PCDH15: variants seen among roughly 807,000 people sequenced by gnomAD.
PCDH15 encodes protocadherin related 15.
PCDH15 carries 129 observed loss-of-function variants against 178.5 expected under a neutral mutation model. The observed-to-expected ratio is 0.72, with a 90% CI of 0.63 to 0.84. PCDH15 has a LOEUF of 0.84. Among genes scored for constraint, PCDH15 ranks in the 40% least tolerant of loss-of-function variants. The probability of loss-of-function intolerance (pLI) is 0.00; values close to 1 mark genes in which losing one functional copy is unlikely to be tolerated. For missense variants in PCDH15, 2,230 were observed against 2,099.9 expected, an observed-to-expected ratio of 1.06 and a Z score of -1.21; for synonymous variants, 800 against 732.0, an observed-to-expected ratio of 1.09 and a Z score of -1.50.
chr10:54,636,591 G>C (rs1441684550), intron 2 of PCDH15, among the ~76,000 whole-genome samples: 1 of 151,914 alleles, frequency 6.6e-6, no homozygotes, highest in Non-Finnish European at 1.5e-5. Context: ...AATAGCAAAT[G>C]AAGTGGATTT....
chr10:54,876,687 G>A lies in PCDH15; in HGVS notation c.-29+20763C>T, dbSNP rs562947135. Among the ~76,000 whole-genome samples the A allele has an allele frequency of 1.5e-4, 23 of 152,268 alleles. No individual in the cohort carries two copies. In the South Asian group the frequency reaches 1.7e-3, roughly 11 times the overall value. On this transcript the variant is annotated intron_variant, in intron 3 of 5. Transcript: ENST00000458638. The stretch of plus-strand genomic sequence containing the variant: ...GGAACTAGAATTAGAAGCAGAGCTC[G>A]AAGAGGTGACTTAATTGCTGCCATC...
chr10:54,294,594 T>G (rs1297617779), intron 8 of PCDH15, among the ~76,000 whole-genome samples: 1 of 152,222 alleles, frequency 6.6e-6, no homozygotes, highest in Admixed American at 6.5e-5. Context: ...AAAGTCACCC[T>G]GTATAATTCA....
At chr10:55,483,653 T>G (rs963236846) in intron 2 of PCDH15, among the ~76,000 whole-genome samples, 8 of 151,520 alleles carry the variant, frequency 5.3e-5, no homozygotes, top group African/African-American at 1.9e-4. Context: ...GAATATAAAT[T>G]ATCCTATTAT....
intron 2 of PCDH15, among the ~76,000 whole-genome samples, chr10:54,563,550 GTAA>G (rs2088543698): frequency 2.0e-5 from 3 of 152,158 alleles, no homozygotes; most frequent in East Asian, 1.9e-4. Context: ...CAGCAAAAGA[GTAA>G]CATATTAACT....
chr10:54,385,291 A>T (rs1949780599), intron 3 of PCDH15, among the ~76,000 whole-genome samples: 1 of 152,122 alleles, frequency 6.6e-6, no homozygotes, highest in Non-Finnish European at 1.5e-5. Context: ...TGTAAACAAT[A>T]AGGCAAAATT....
At chr10:53,924,935 G>C (rs145051823) in intron 25 of PCDH15, among the ~76,000 whole-genome samples, 3 of 152,122 alleles carry the variant, frequency 2.0e-5, no homozygotes, top group Admixed American at 6.5e-5. Context: ...GAACTTTTGC[G>C]TCTAGCTCAG....
intron 2 of PCDH15, among the ~76,000 whole-genome samples, chr10:55,414,711 TTA>T (rs200161412): frequency 0.012 from 1,808 of 151,496 alleles, 43 homozygotes; most frequent in African/African-American, 0.042. Context: ...CACCTGATTT[TTA>T]TATGTTAATT....
intron 3 of PCDH15, among the ~76,000 whole-genome samples, chr10:54,396,697 A>G (rs1295413065): frequency 1.3e-5 from 2 of 152,164 alleles, no homozygotes; most frequent in Non-Finnish European, 2.9e-5. Context: ...AGTTAATGCA[A>G]TAACATAAAG....
intron 2 of PCDH15, among the ~76,000 whole-genome samples, chr10:54,971,981 C>G (rs1308398688): frequency 6.6e-6 from 1 of 152,148 alleles, no homozygotes; most frequent in African/African-American, 2.4e-5. Context: ...TGTCGATTCC[C>G]TGATGTCATT....
rs1002151845 is a variant in PCDH15 at position 53,805,680 on chromosome 10, A to G, written c.*899T>C. On this transcript the variant is annotated 3_prime_UTR_variant, in exon 38 of 38. Coordinates refer to ENST00000644397, the MANE Select transcript of PCDH15 (RefSeq NM_001384140.1). ...CTCTGATATGCTGGGTTTACAAACTATTAAAGTCTAGTGACATTAATGTGA... is the reference window on the plus strand; with the variant it reads ...CTCTGATATGCTGGGTTTACAAACTGTTAAAGTCTAGTGACATTAATGTGA... The G allele has an allele frequency of 2.6e-5, 4 of 152,102 alleles. No individual in the cohort carries two copies. The highest frequency in any genetic ancestry group is 4.8e-5 in the African/African-American group (2 of 41,440). 9.4% of individuals were successfully genotyped at this position (152,102 alleles called of 1,614,324 possible). A position where few individuals can be genotyped will look rare whatever the true frequency, so the allele number is the denominator to read the frequency against.
At chr10:54,193,483 T>C (rs538377112) in intron 11 of PCDH15, among the ~76,000 whole-genome samples, 1 of 152,324 alleles carries the variant, frequency 6.6e-6, no homozygotes, top group East Asian at 1.9e-4. Context: ...TGAGTATGTA[T>C]TCAATTGAAA....
chr10:55,050,154 G>A (rs1841122003), intron 2 of PCDH15, among the ~76,000 whole-genome samples: 1 of 151,952 alleles, frequency 6.6e-6, no homozygotes, highest in African/African-American at 2.4e-5. Context: ...CCAATGCATG[G>A]ATGTATTGTT....
At chr10:54,055,580 T>C (rs2093868514) in intron 18 of PCDH15, among the ~76,000 whole-genome samples, 1 of 152,194 alleles carries the variant, frequency 6.6e-6, no homozygotes, top group Non-Finnish European at 1.5e-5. Flanking sequence ...TTGAGAATTC[T>C]GACCTTAGCA....
intron 18 of PCDH15, among the ~76,000 whole-genome samples, chr10:54,065,270 T>C (rs2094115141): frequency 6.6e-6 from 1 of 152,198 alleles, no homozygotes; most frequent in Non-Finnish European, 1.5e-5. Flanking sequence ...CTCTGATGCA[T>C]GAGTTTGCAT....
chr10:54,119,147 C>A (rs1351433587), intron 15 of PCDH15, among the ~76,000 whole-genome samples: 1 of 151,960 alleles, frequency 6.6e-6, no homozygotes, highest in Admixed American at 6.6e-5. Context: ...GGTCCCTAAC[C>A]AAAATGGAAA....
intron 3 of PCDH15, among the ~76,000 whole-genome samples, chr10:54,385,289 A>G (rs972282591): frequency 3.5e-4 from 53 of 152,258 alleles, no homozygotes; most frequent in African/African-American, 1.2e-3. Flanking sequence ...TCTGTAAACA[A>G]TAAGGCAAAA....
intron 2 of PCDH15, among the ~76,000 whole-genome samples, chr10:55,543,126 T>C (rs1841800824): frequency 6.9e-6 from 1 of 144,924 alleles, no homozygotes; most frequent in Non-Finnish European, 1.5e-5. Context: ...GACATATGTA[T>C]GTGTCTATAT....
rs562508569 is a variant in PCDH15, at chr10:54,216,839, T to C, written c.986-2791A>G. ...CGGAAGATAAATGACCACCTAAATA[T>C]ACATCAATAGTGGTCTGGGTAAATA... On this transcript the variant is annotated intron_variant, in intron 9 of 37. Transcript: ENST00000644397. 3.9e-5 allele frequency among the ~76,000 whole-genome samples: 6 copies of C among 152,268 alleles called. No individual in the cohort carries two copies. The South Asian group carries it at 1.2e-3, about 32-fold the overall frequency.
intron 2 of PCDH15, among the ~76,000 whole-genome samples, chr10:54,995,115 G>A (rs1372304781): frequency 2.0e-5 from 3 of 152,030 alleles, no homozygotes; most frequent in Non-Finnish European, 2.9e-5. Context: ...GGTGGCTCAC[G>A]TTTGTAATCC....
Sources: gnomAD v4.1 joint callset for allele counts (sites outside exome capture counted in the v4.1 genomes callset) on GRCh38, gnomAD v4.1.1 for gene constraint, MANE v1.5 for transcripts, NCBI Gene and HGNC (gene_info 2026-07-23, HGNC 2026-07-21) for gene names.